The following CDADC1 variants were observed in gnomAD, a reference collection of about 807,000 sequenced individuals.
The protein encoded by CDADC1 is dCTP deaminase.
CDADC1 carries 39 observed loss-of-function variants against 54.9 expected under a neutral mutation model. The ratio of observed to expected loss-of-function variants is 0.71; its 90% CI spans 0.55 to 0.93. The LOEUF (loss-of-function observed/expected upper bound fraction) is 0.93, where lower values mean the gene tolerates loss of function less well. Among genes scored for constraint, CDADC1 ranks in the 40% least tolerant of loss-of-function variants. The pLI is 0.00. For missense variants in CDADC1, 518 were observed against 618.8 expected, an observed-to-expected ratio of 0.84 and a Z score of 1.73; for synonymous variants, 186 against 204.0, an observed-to-expected ratio of 0.91 and a Z score of 0.75.
At chr13:49,284,419 A>C (rs937310194) in intron 8 of CDADC1, among the ~76,000 whole-genome samples, 2 of 152,326 alleles carry the variant, frequency 1.3e-5, no homozygotes, top group African/African-American at 4.8e-5. Flanking sequence ...GGCCTAACTT[A>C]TTTAACCATT....
At chr13:49,252,241 C>G (rs974855426) in intron 2 of CDADC1, among the ~76,000 whole-genome samples, 2 of 152,184 alleles carry the variant, frequency 1.3e-5, no homozygotes, top group East Asian at 3.9e-4. Flanking sequence ...CTACAACCCT[C>G]TCACCATGGT....
intron 8 of CDADC1, among the ~76,000 whole-genome samples, chr13:49,282,950 C>T (rs1644627113): frequency 6.6e-6 from 1 of 152,162 alleles, no homozygotes; most frequent in African/African-American, 2.4e-5. Context: ...TTGGGGACTG[C>T]TTTTATATAG....
chr13:49,291,550 G>C (rs1057268513), intron 9 of CDADC1, 134 bp from the exon 10 acceptor site: 2 of 753,870 alleles, frequency 2.7e-6, no homozygotes, highest in African/African-American at 1.8e-5. Flanking sequence ...CTACAATTGA[G>C]AATTTGAAGA....
intron 2 of CDADC1, among the ~76,000 whole-genome samples, chr13:49,249,175 CGGGTACTAATGG>C (rs1952366089): frequency 1.3e-5 from 2 of 152,294 alleles, no homozygotes; most frequent in South Asian, 4.1e-4. Flanking sequence ...CCATGTTTAT[CGGGTACTAATGG>C]TATTCATATG....
Position 49,286,212 on chromosome 13 carries a change from A to C in CDADC1, c.1411-10A>C. ...CTTTAAACAAGTAAAATGTTTGTGC[A>C]CTCTTACAGTGGCAGCTGAATCCAT... On this transcript the variant is annotated splice_polypyrimidine_tract_variant and intron_variant, in intron 8 of 9. Transcript: ENST00000251108. The C allele has an allele frequency of 6.2e-7, 1 of 1,609,352 alleles. No homozygotes were observed. Among genetic ancestry groups the C allele is most frequent in the Non-Finnish European group, 8.5e-7 (1 of 1,175,926 alleles).
intron 4 of CDADC1, among the ~76,000 whole-genome samples, chr13:49,264,555 CAAAAAAAAAAA>C (rs140774111): frequency 9.6e-6 from 1 of 103,874 alleles, no homozygotes; most frequent in Non-Finnish European, 1.8e-5. Flanking sequence ...CCATCTCTAC[CAAAAAAAAAAA>C]AAAAAAAAGA....
Position 49,267,669 on chromosome 13 carries a change from G to A in CDADC1, c.610G>A (p.Glu204Lys). 6.2e-7 allele frequency: 1 copy of A among 1,614,002 alleles called. No homozygotes were observed. The highest frequency in any genetic ancestry group is 1.1e-5 in the South Asian group (1 of 91,014). Residue 204 changes from glutamate to lysine, a missense_variant, in exon 5 of 10, where the codon GAG becomes AAG. Physicochemically the swap from Glu to Lys is moderately conservative, Grantham distance 56. Coordinates refer to ENST00000251108, the MANE Select transcript of CDADC1 (RefSeq NM_030911.4). The part of the protein sequence containing the change: ...PLVCYMVQFV[E>K]ETSYKCDFIQ... ...GGTGTGTTATATGGTGCAGTTTGTA[G>A]AGGAGACCTCTTACAAATGTGACTT...
intron 1 of CDADC1, 198 bp downstream of exon 1, chr13:49,248,317 G>C: frequency 1.8e-6 from 1 of 557,180 alleles, no homozygotes; most frequent in South Asian, 2.3e-5. Flanking sequence ...TTGAAGTCTC[G>C]CTTTTTACCC....
chr13:49,247,989 T>C lies in CDADC1; in HGVS notation c.-49T>C, dbSNP rs188807906. 4.6e-6 allele frequency: 7 copies of C among 1,513,586 alleles called. No homozygotes were observed. In the Admixed American group the frequency reaches 7.9e-5, roughly 17 times the overall value. The allele number at this position is 1,513,586 out of a possible 1,614,324, so 93.8% of individuals were successfully genotyped here. On this transcript the variant is annotated 5_prime_UTR_variant, in exon 1 of 10. It removes an upstream start codon present in the reference 5' UTR. Coordinates refer to ENST00000251108, the MANE Select transcript of CDADC1 (RefSeq NM_030911.4). ...GGCGGGGGCGCTAGGGCCGAGATCA[T>C]GTCTGACTGGGAGAGGTTTCCTTGG...
intron 6 of CDADC1, among the ~76,000 whole-genome samples, chr13:49,276,304 A>G (rs1251870717): frequency 6.6e-6 from 1 of 152,214 alleles, no homozygotes; most frequent in Non-Finnish European, 1.5e-5. Context: ...TGATTTGATC[A>G]GATTTGCATT....
At chr13:49,281,379 C>T (rs1402185081) in intron 8 of CDADC1, among the ~76,000 whole-genome samples, 1 of 152,116 alleles carries the variant, frequency 6.6e-6, no homozygotes, top group African/African-American at 2.4e-5. Context: ...CCACCCTTTT[C>T]GGCACCAGTG....
At chr13:49,257,162 T>C (rs1459620050) in intron 3 of CDADC1, among the ~76,000 whole-genome samples, 1 of 152,194 alleles carries the variant, frequency 6.6e-6, no homozygotes. Context: ...ACTTGGTATT[T>C]TGGCCTTACC....
chr13:49,286,100 C>T, intron 8 of CDADC1, 122 bp from the exon 9 acceptor site: 1 of 749,086 alleles, frequency 1.3e-6, no homozygotes, highest in South Asian at 1.8e-5. Context: ...AGGTGTGACC[C>T]ACTATGCCCA....
rs1047675063 is a variant in CDADC1, at chr13:49,292,846, C to T, written c.*1089C>T. On this transcript the variant is annotated 3_prime_UTR_variant, in exon 10 of 10. Coordinates refer to ENST00000251108, the MANE Select transcript of CDADC1 (RefSeq NM_030911.4). ...CTGGATCTGCGGTGGTCAGGTTTGC[C>T]TCTGCTTTTGTTCCCTGCCTTTCCG... 3.3e-6 allele frequency: 4 copies of T among 1,225,866 alleles called. No individual in the cohort carries two copies. The South Asian group carries it at 3.9e-5, about 12-fold the overall frequency. The allele number at this position is 1,225,866 out of a possible 1,614,324, so 75.9% of individuals were successfully genotyped here.
chr13:49,249,958 C>T (rs1189974494), intron 2 of CDADC1, among the ~76,000 whole-genome samples: 1 of 151,800 alleles, frequency 6.6e-6, no homozygotes, highest in Non-Finnish European at 1.5e-5. Flanking sequence ...TAGGGGGCCA[C>T]GGCCATTGGA....
In CDADC1 at chr13:49,283,427, A is replaced by C. The variant is rs1023865747; in HGVS notation, c.1410+2729A>C. ...TAAAAGCTTATATCCAACTAGTCAG[A>C]GAAATCTCTACTTCCGTGTTTTTGT... On this transcript the variant is annotated intron_variant, in intron 8 of 9. Transcript: ENST00000251108. Among the ~76,000 whole-genome samples, 7 of 152,290 alleles carry C rather than the reference A, an allele frequency of 4.6e-5. No homozygotes were observed. In the South Asian group the frequency reaches 1.5e-3, roughly 32 times the overall value.
intron 2 of CDADC1, among the ~76,000 whole-genome samples, chr13:49,253,777 G>C (rs968909829): frequency 6.6e-6 from 1 of 152,082 alleles, no homozygotes; most frequent in Non-Finnish European, 1.5e-5. Context: ...TAACTCCTGG[G>C]CTCAAGCAGT....
At chr13:49,264,555 CAAAAAAAA>C (rs140774111) in intron 4 of CDADC1, among the ~76,000 whole-genome samples, 1 of 103,874 alleles carries the variant, frequency 9.6e-6, no homozygotes, top group Non-Finnish European at 1.8e-5. Context: ...CCATCTCTAC[CAAAAAAAA>C]AAAAAAAAAA....
intron 4 of CDADC1, chr13:49,265,830 C>T (rs1258046871): frequency 1.6e-6 from 2 of 1,286,326 alleles, no homozygotes; most frequent in African/African-American, 3.1e-5. Context: ...GCATTTGCCA[C>T]TAATACACAA....
Sources: gnomAD v4.1 joint callset for allele counts (sites outside exome capture counted in the v4.1 genomes callset) on GRCh38, gnomAD v4.1.1 for gene constraint, MANE v1.5 for transcripts, NCBI Gene and HGNC (gene_info 2026-07-23, HGNC 2026-07-21) for gene names.